CAPZB: variants seen among roughly 807,000 people sequenced by gnomAD.
CAPZB encodes the protein capping actin protein of muscle Z-line subunit beta.
Under a neutral mutation model 38.1 loss-of-function variants are expected in CAPZB, and 2 were observed. That is an observed-to-expected ratio of 0.05 (90% confidence interval 0.02 to 0.17). The LOEUF is 0.17. CAPZB is among the 10% of genes least tolerant of loss of function. CAPZB has a pLI of 1.00. For missense variants in CAPZB, 161 were observed against 334.2 expected, an observed-to-expected ratio of 0.48 and a Z score of 4.04; for synonymous variants, 107 against 127.4, an observed-to-expected ratio of 0.84 and a Z score of 1.08.
At chr1:19,427,121 C>T (rs1464262975) in intron 1 of CAPZB, among the ~76,000 whole-genome samples, 4 of 152,208 alleles carry the variant, frequency 2.6e-5, no homozygotes. Context: ...CACAGCCTCA[C>T]CGGAGTGTGT....
At chr1:19,433,045 G>A (rs952955998) in intron 1 of CAPZB, among the ~76,000 whole-genome samples, 6 of 152,190 alleles carry the variant, frequency 3.9e-5, no homozygotes, top group East Asian at 1.9e-4. Flanking sequence ...TCTGGTTGAC[G>A]GTTTCCTGGA....
At chr1:19,344,959 G>T (rs2093952719) in intron 7 of CAPZB, among the ~76,000 whole-genome samples, 2 of 152,344 alleles carry the variant, frequency 1.3e-5, no homozygotes. Context: ...TCTTCTGGGA[G>T]CCCAGGTCTG....
rs554463801 is a variant in CAPZB at position 19,386,833 on chromosome 1, T to C, written c.94-1207A>G. Among the ~76,000 whole-genome samples the C allele has an allele frequency of 5.3e-5, 8 of 152,282 alleles. No homozygotes were observed. In the South Asian group the frequency reaches 1.7e-3, roughly 32 times the overall value. ...GGCCTTGGTGAGATGATCTGTTTCT[T>C]ATACAGGGGACAGTACCCAAAGAGA... On this transcript the variant is annotated intron_variant, in intron 2 of 8. Transcript: ENST00000264202.
chr1:19,342,704 T>C, intron 8 of CAPZB: 1 of 1,198,476 alleles, frequency 8.3e-7, no homozygotes, highest in Non-Finnish European at 1.2e-6. Flanking sequence ...GGCGGGTTGG[T>C]GAGTCCTGTT....
intron 2 of CAPZB, among the ~76,000 whole-genome samples, chr1:19,396,811 G>A (rs926819773): frequency 6.6e-6 from 1 of 150,796 alleles, no homozygotes; most frequent in African/African-American, 2.4e-5. Context: ...AAAGAAATTA[G>A]GCACTGTGGC....
intron 1 of CAPZB, among the ~76,000 whole-genome samples, chr1:19,479,955 T>A (rs1271893649): frequency 6.6e-6 from 1 of 152,066 alleles, no homozygotes; most frequent in Non-Finnish European, 1.5e-5. Flanking sequence ...CCCTTGACCA[T>A]ACCCCACCCT....
At chr1:19,405,872 G>T (rs1364143384) in intron 2 of CAPZB, among the ~76,000 whole-genome samples, 1 of 152,150 alleles carries the variant, frequency 6.6e-6, no homozygotes, top group East Asian at 1.9e-4. Flanking sequence ...AAAGGCAATG[G>T]GCCCATTAGG....
intron 2 of CAPZB, among the ~76,000 whole-genome samples, chr1:19,411,631 G>A (rs1210226524): frequency 6.6e-6 from 1 of 152,068 alleles, no homozygotes; most frequent in Non-Finnish European, 1.5e-5. Context: ...CACCGTAATT[G>A]TCTGGATTGC....
chr1:19,434,537 C>T (rs901730447), intron 1 of CAPZB, among the ~76,000 whole-genome samples: 2 of 141,230 alleles, frequency 1.4e-5, no homozygotes, highest in Admixed American at 1.5e-4. Flanking sequence ...CCAACCTGAC[C>T]AACAGAGTAA....
chr1:19,445,657 T>C (rs144724088), intron 1 of CAPZB, among the ~76,000 whole-genome samples: 5 of 152,244 alleles, frequency 3.3e-5, no homozygotes, highest in South Asian at 2.1e-4. Context: ...TCCATACATA[T>C]GAAATGGCCA....
intron 1 of CAPZB, among the ~76,000 whole-genome samples, chr1:19,427,250 T>A (rs1027343104): frequency 2.0e-5 from 3 of 151,528 alleles, no homozygotes; most frequent in Non-Finnish European, 4.4e-5. Flanking sequence ...TAGTGGCTGG[T>A]TAAGGCAGAT....
rs143371335 is a variant in CAPZB, at chr1:19,458,828, G to T, written c.3+26608C>A. Among the ~76,000 whole-genome samples the T allele has an allele frequency of 1.6e-3, 238 of 152,348 alleles. 1 individual carries two copies. The highest frequency in any genetic ancestry group is 5.6e-3 in the African/African-American group (233 of 41,578). ...CAAAAAGGAGAGAAATCCTTCTAAG[G>T]TGTGAAGCAACGGACAGAAACAAAA... On this transcript the variant is annotated intron_variant, in intron 1 of 8. Coordinates refer to ENST00000264202, the MANE Select transcript of CAPZB (RefSeq NM_004930.5).
At chr1:19,427,225 C>T (rs2094426113) in intron 1 of CAPZB, among the ~76,000 whole-genome samples, 2 of 152,182 alleles carry the variant, frequency 1.3e-5, no homozygotes, top group Non-Finnish European at 2.9e-5. Context: ...AGCAGAGGTC[C>T]TGCTTGGCCT....
Position 19,357,323 on chromosome 1 carries a change from C to T in CAPZB, c.471+99G>A. 9.0e-7 allele frequency: 1 copy of T among 1,117,208 alleles called. No homozygotes were observed. The highest frequency in any genetic ancestry group is 1.3e-6 in the Non-Finnish European group (1 of 756,388). 69.2% of individuals were successfully genotyped at this position (1,117,208 alleles called of 1,614,324 possible). On this transcript the variant is annotated intron_variant, in intron 5 of 8. Transcript: ENST00000264202. This position sits in a 1 kb window ranked among gnomAD's most constrained non-coding sequence, Gnocchi z 4.3. Reference sequence around the variant, plus strand: ...CTCAGAATTAGGGGTTCAGAGATCACAGCATCCCCCTACTGCATCTGTTAG... The same window carrying T: ...CTCAGAATTAGGGGTTCAGAGATCATAGCATCCCCCTACTGCATCTGTTAG...
chr1:19,463,333 A>T (rs541502493), intron 1 of CAPZB, among the ~76,000 whole-genome samples: 4 of 152,320 alleles, frequency 2.6e-5, no homozygotes, highest in African/African-American at 9.6e-5. Context: ...ATTCTTTAAC[A>T]CAGTTCGGCA....
chr1:19,443,677 G>A (rs187677817), intron 1 of CAPZB, among the ~76,000 whole-genome samples: 61 of 152,310 alleles, frequency 4.0e-4, no homozygotes, highest in African/African-American at 1.4e-3. Flanking sequence ...CAGTGTCTCC[G>A]GTGTGCCAGG....
chr1:19,393,224 C>T (rs1318303347), intron 2 of CAPZB, among the ~76,000 whole-genome samples: 3 of 152,242 alleles, frequency 2.0e-5, no homozygotes, highest in South Asian at 2.1e-4. Context: ...TGAGAAGGCA[C>T]CTGCACAGGC....
intron 8 of CAPZB, among the ~76,000 whole-genome samples, chr1:19,343,277 G>A (rs533810569): frequency 1.3e-5 from 2 of 152,348 alleles, no homozygotes; most frequent in South Asian, 2.1e-4. Context: ...AGAAGACAAG[G>A]GTCCAAAGAG....
intron 1 of CAPZB, among the ~76,000 whole-genome samples, chr1:19,449,849 A>G (rs1221973548): frequency 6.6e-6 from 1 of 151,782 alleles, no homozygotes; most frequent in East Asian, 1.9e-4. Context: ...AAGAGAAAGA[A>G]AAAAATATAG....
Sources: gnomAD v4.1 joint callset for allele counts (sites outside exome capture counted in the v4.1 genomes callset) on GRCh38, gnomAD v4.1.1 for gene constraint, Gnocchi (gnomAD v3.1) non-coding constraint, MANE v1.5 for transcripts, NCBI Gene and HGNC (gene_info 2026-07-23, HGNC 2026-07-21) for gene names.